Variants in TLK1 observed in about 807,000 individuals in gnomAD.
The protein encoded by TLK1 is serine/threonine-protein kinase tousled-like 1.
A neutral mutation model predicts 105.3 loss-of-function variants in TLK1; 24 were observed. That is an observed-to-expected ratio of 0.23 (90% CI 0.17 to 0.32). TLK1 has a LOEUF of 0.32. Ranked by LOEUF, TLK1 falls within the 10% of genes least tolerant of loss-of-function variation. TLK1 has a pLI of 1.00. For missense variants in TLK1, 558 were observed against 910.5 expected, an observed-to-expected ratio of 0.61 and a Z score of 4.98; for synonymous variants, 321 against 310.4, an observed-to-expected ratio of 1.03 and a Z score of -0.36.
intron 2 of TLK1, among the ~76,000 whole-genome samples, chr2:171,110,846 G>T (rs1690129234): frequency 6.6e-6 from 1 of 152,108 alleles, no homozygotes; most frequent in Admixed American, 6.5e-5. Context: ...TAGTAAAAAA[G>T]GGTAATTTTA....
In TLK1 at chr2:171,160,144, G is replaced by T. The variant is rs112812793; in HGVS notation, c.139+146C>A. On this transcript the variant is annotated intron_variant, in intron 1 of 20. Coordinates refer to ENST00000431350, the MANE Select transcript of TLK1 (RefSeq NM_012290.5). The surrounding 1 kb of genome is among the most constrained non-coding windows in gnomAD (Gnocchi z 4.4). Reference sequence around the variant, plus strand: ...ACTACCTCCCCAGAGCCGGGGAGCCGGGCGGCCTCGCGTCCACCTCGCCAC... The same window carrying T: ...ACTACCTCCCCAGAGCCGGGGAGCCTGGCGGCCTCGCGTCCACCTCGCCAC... 1.1e-5 allele frequency: 10 copies of T among 902,960 alleles called. No homozygotes were observed. In the African/African-American group the frequency reaches 1.6e-4, roughly 15 times the overall value. The allele number at this position is 902,960 out of a possible 1,614,324, so 55.9% of individuals were successfully genotyped here.
intron 1 of TLK1, among the ~76,000 whole-genome samples, chr2:171,176,104 A>T (rs78090355): frequency 0.048 from 7,348 of 151,650 alleles, 463 homozygotes; most frequent in East Asian, 0.3. Context: ...GCCCTGCTAA[A>T]TTTTTTTGTA....
At chr2:171,031,153 C>G (rs1314819331) in intron 11 of TLK1, among the ~76,000 whole-genome samples, 1 of 152,114 alleles carries the variant, frequency 6.6e-6, no homozygotes. Flanking sequence ...AATGCAAACC[C>G]CCAAATGACA....
Position 171,126,889 on chromosome 2 carries a change from C to T in TLK1, c.140-9032G>A, listed in dbSNP as rs1343817505. On this transcript the variant is annotated intron_variant, in intron 1 of 20. Transcript: ENST00000431350. ...TTATTAAAAATAAACACTATGACAACGAAATTATTTCTCCAAGATAAAATA... is the reference window on the plus strand; with the variant it reads ...TTATTAAAAATAAACACTATGACAATGAAATTATTTCTCCAAGATAAAATA... Among the ~76,000 whole-genome samples the T allele has an allele frequency of 4.7e-5, 7 of 150,466 alleles. No individual in the cohort carries two copies. In the East Asian group the frequency reaches 7.7e-4, roughly 17 times the overall value.
chr2:171,167,858 A>G (rs930854313), intron 1 of TLK1, among the ~76,000 whole-genome samples: 3 of 152,202 alleles, frequency 2.0e-5, no homozygotes, highest in African/African-American at 7.2e-5. Context: ...AATGTTTACA[A>G]AAACAAAGTA....
At chr2:171,073,885 CCTTTTTTTTTCTTT>C (rs1299002245) in intron 3 of TLK1, among the ~76,000 whole-genome samples, 1 of 129,856 alleles carries the variant, frequency 7.7e-6, no homozygotes, top group East Asian at 2.7e-4. Flanking sequence ...CCCCCCCCCT[CCTTTTTTTTTCTTT>C]CTTTTTTTTG....
In TLK1 at chr2:171,056,510, A is replaced by G; in HGVS notation, c.510T>C (p.Ser170=). The G allele has an allele frequency of 1.2e-6, 2 of 1,612,240 alleles. No individual in the cohort carries two copies. Among genetic ancestry groups the G allele is most frequent in the Non-Finnish European group, 1.7e-6 (2 of 1,179,110 alleles). ...TGGAATGTGAATGTGAATTTTGAGG[A>G]GAACGGATTGCAGGAGGTATGCCTC... The part of the protein sequence containing the change: ...PVRGIPPAIR[S]PQNSHSHSTP... The change falls in exon 6 of 21, where the codon TCT becomes TCC. Residue 170 remains serine (S), a synonymous_variant. Transcript: ENST00000431350.
intron 2 of TLK1, among the ~76,000 whole-genome samples, chr2:171,105,599 T>A (rs1689885943): frequency 6.6e-6 from 1 of 151,844 alleles, no homozygotes; most frequent in Non-Finnish European, 1.5e-5. Context: ...GGCAGGAGAA[T>A]CACTTGAAAC....
intron 1 of TLK1, among the ~76,000 whole-genome samples, chr2:171,218,696 A>G (rs1369444695): frequency 6.6e-6 from 1 of 152,174 alleles, no homozygotes; most frequent in African/African-American, 2.4e-5. Flanking sequence ...ACTAACCCTC[A>G]TGTTAGTGTC....
chr2:171,065,817 G>A (rs113186197), intron 3 of TLK1, among the ~76,000 whole-genome samples: 1,928 of 152,316 alleles, frequency 0.013, 19 homozygotes, highest in Non-Finnish European at 0.019. Flanking sequence ...GATTACAGGC[G>A]TGAGCCACTG....
At chr2:171,034,495 T>C (rs1441700685) in intron 11 of TLK1, among the ~76,000 whole-genome samples, 1 of 152,172 alleles carries the variant, frequency 6.6e-6, no homozygotes, top group Non-Finnish European at 1.5e-5. Context: ...AAAGGTCATA[T>C]AAGGTATGAG....
At chr2:171,096,150 A>T (rs1001211800) in intron 2 of TLK1, among the ~76,000 whole-genome samples, 2 of 152,234 alleles carry the variant, frequency 1.3e-5, no homozygotes, top group African/African-American at 4.8e-5. Context: ...CCAAGAAACT[A>T]TTGGAGTCAG....
chr2:171,013,346 G>C lies in TLK1; in HGVS notation c.1334+1505C>G, dbSNP rs186381000. On this transcript the variant is annotated intron_variant, in intron 13 of 20. Transcript: ENST00000431350. ...TTTTTTTTTTTTTTTTTTTTTTTTGGAGACAAAGTCTCACTTTGTCAATCA... is the reference window on the plus strand; with the variant it reads ...TTTTTTTTTTTTTTTTTTTTTTTTGCAGACAAAGTCTCACTTTGTCAATCA... 8.7e-3 allele frequency among the ~76,000 whole-genome samples: 506 copies of C among 58,128 alleles called. 17 individuals carry two copies. Among genetic ancestry groups the C allele is most frequent in the Admixed American group, 0.083 (464 of 5,590 alleles). The allele number at this position is 58,128 out of a possible 152,430, so 38.1% of individuals were successfully genotyped here. A position where few individuals can be genotyped will look rare whatever the true frequency, so the allele number is the denominator to read the frequency against.
At chr2:171,055,912 C>A (rs1467194708) in intron 6 of TLK1, among the ~76,000 whole-genome samples, 1 of 151,922 alleles carries the variant, frequency 6.6e-6, no homozygotes, top group African/African-American at 2.4e-5. Flanking sequence ...AGATATTGAA[C>A]TTTCACACAA....
chr2:171,040,568 G>GT lies in TLK1; in HGVS notation c.1169+5605dup, dbSNP rs59971440. 1.9e-3 allele frequency among the ~76,000 whole-genome samples: 197 copies of GT among 104,270 alleles called. 2 individuals are homozygous for GT. The highest frequency in any genetic ancestry group is 6.4e-3 in the African/African-American group (193 of 29,956). 68.4% of individuals were successfully genotyped at this position (104,270 alleles called of 152,430 possible). A position where few individuals can be genotyped will look rare whatever the true frequency, so the allele number is the denominator to read the frequency against. ...GTTATACAAAATATATTCCTTTTTT[G>GT]TTTTTTTTTTTTTTTTTTTTTGAGA... On this transcript the variant is annotated intron_variant, in intron 11 of 20. Coordinates refer to ENST00000431350, the MANE Select transcript of TLK1 (RefSeq NM_012290.5).
At chr2:171,043,650 C>T (rs760803075) in intron 11 of TLK1, among the ~76,000 whole-genome samples, 1 of 152,074 alleles carries the variant, frequency 6.6e-6, no homozygotes, top group African/African-American at 2.4e-5. Flanking sequence ...ATGGTGTTAG[C>T]GGGAACTTGC....
chr2:171,096,094 T>C (rs771584031), intron 2 of TLK1, among the ~76,000 whole-genome samples: 20 of 152,222 alleles, frequency 1.3e-4, no homozygotes, highest in Non-Finnish European at 2.6e-4. Context: ...ATTATCTCTA[T>C]TTGCAGATGA....
At chr2:171,024,086 A>C (rs1685663391) in intron 12 of TLK1, among the ~76,000 whole-genome samples, 1 of 152,190 alleles carries the variant, frequency 6.6e-6, no homozygotes, top group African/African-American at 2.4e-5. Flanking sequence ...TTACAACTAC[A>C]AGCTTTTATT....
intron 3 of TLK1, among the ~76,000 whole-genome samples, chr2:171,076,116 G>T (rs1393622968): frequency 6.6e-6 from 1 of 152,068 alleles, no homozygotes; most frequent in Admixed American, 6.6e-5. Context: ...TACTCAGGGG[G>T]CTGAAGGAGG....
Sources: gnomAD v4.1 joint callset for allele counts (sites outside exome capture counted in the v4.1 genomes callset) on GRCh38, gnomAD v4.1.1 for gene constraint, Gnocchi (gnomAD v3.1) non-coding constraint, MANE v1.5 for transcripts, NCBI Gene and HGNC (gene_info 2026-07-23, HGNC 2026-07-21) for gene names.